Variants in AMOTL1 observed in about 807,000 individuals in gnomAD.
The protein encoded by AMOTL1 is angiomotin-like protein 1.
In AMOTL1, 45 loss-of-function variants were observed where a neutral mutation model predicts 102.9. The observed-to-expected ratio is 0.44, with a 90% confidence interval of 0.34 to 0.56. The LOEUF (loss-of-function observed/expected upper bound fraction) is 0.56. Among genes scored for constraint, AMOTL1 ranks in the 20% least tolerant of loss-of-function variants. The pLI is 0.01. For synonymous variants in AMOTL1, 481 were observed against 484.7 expected (o/e 0.99, Z 0.10); for missense variants, 1,114 against 1,225.6 (o/e 0.91, Z 1.36).
intron 2 of AMOTL1, among the ~76,000 whole-genome samples, chr11:94,735,531 T>C (rs1435352589): frequency 6.6e-6 from 1 of 152,234 alleles, no homozygotes; most frequent in Non-Finnish European, 1.5e-5. Flanking sequence ...AAGACTTTTC[T>C]TCTATGACTT....
chr11:94,799,535 C>T lies in AMOTL1; in HGVS notation c.345C>T (p.Asn115=). 6.2e-7 allele frequency: 1 copy of T among 1,613,810 alleles called. No homozygotes were observed. The highest frequency in any genetic ancestry group is 8.5e-7 in the Non-Finnish European group (1 of 1,179,832). ...EQLRYGTPTE[N]MNLLAIQHQA... ...TGCGGTATGGCACCCCAACCGAGAA[C>T]ATGAACTTGCTGGCCATTCAGCACC... Residue 115 remains asparagine (N), a synonymous_variant, in exon 3 of 13, where the codon AAC becomes AAT. Coordinates refer to ENST00000433060, the MANE Select transcript of AMOTL1 (RefSeq NM_130847.3). The surrounding 1 kb of genome is among the most constrained non-coding windows in gnomAD (Gnocchi z 4.5).
At chr11:94,774,751 A>G (rs1951000240) in intron 1 of AMOTL1, among the ~76,000 whole-genome samples, 1 of 152,242 alleles carries the variant, frequency 6.6e-6, no homozygotes. Flanking sequence ...CTGGAAACAC[A>G]TGTTAAGAAT....
chr11:94,732,279 C>T (rs1950366142), intron 2 of AMOTL1, among the ~76,000 whole-genome samples: 2 of 151,764 alleles, frequency 1.3e-5, no homozygotes, highest in African/African-American at 2.4e-5. Flanking sequence ...CCTGTTGAGT[C>T]ATAGGCCTTG....
Position 94,873,901 on chromosome 11 carries a change from T to C in AMOTL1, c.*3106T>C, listed in dbSNP as rs1592058188. 1 of 152,250 alleles carries C rather than the reference T, an allele frequency of 6.6e-6. No individual in the cohort carries two copies. The highest frequency in any genetic ancestry group is 2.4e-5 in the African/African-American group (1 of 41,458). 9.4% of individuals were successfully genotyped at this position (152,250 alleles called of 1,614,324 possible). ...AAATGCTAGGCATAGATGGAAATTATTGTGTTCCACCAGAAGCACAGCTCC... is the reference window on the plus strand; with the variant it reads ...AAATGCTAGGCATAGATGGAAATTACTGTGTTCCACCAGAAGCACAGCTCC... On this transcript the variant is annotated 3_prime_UTR_variant, in exon 13 of 13. Transcript: ENST00000433060.
chr11:94,835,021 A>G (rs1952148235), intron 6 of AMOTL1, among the ~76,000 whole-genome samples: 1 of 152,180 alleles, frequency 6.6e-6, no homozygotes, highest in African/African-American at 2.4e-5. Flanking sequence ...AAGTCATGAG[A>G]TTTGTCTATA....
At chr11:94,783,433 T>C (rs974369844) in intron 1 of AMOTL1, among the ~76,000 whole-genome samples, 1 of 152,214 alleles carries the variant, frequency 6.6e-6, no homozygotes. Context: ...TGATGATAAA[T>C]TAGGGGTTAC....
At chr11:94,725,114 G>C (rs1428752063) in intron 1 of AMOTL1, among the ~76,000 whole-genome samples, 4 of 152,180 alleles carry the variant, frequency 2.6e-5, no homozygotes, top group African/African-American at 4.8e-5. Flanking sequence ...TAGGTGGCAG[G>C]AGTATCCTGT....
Position 94,799,357 on chromosome 11 carries a change from C to T in AMOTL1, c.200-33C>T, listed in dbSNP as rs1951424396. ...CAGACATATATCTCCTGTGGAGCTG[C>T]CTGATATCTTTTTTCCTATGTTTAT... is the stretch of plus-strand genomic sequence containing the variant. On this transcript the variant is annotated intron_variant, in intron 2 of 12. Coordinates refer to ENST00000433060, the MANE Select transcript of AMOTL1 (RefSeq NM_130847.3). This position sits in a 1 kb window ranked among gnomAD's most constrained non-coding sequence, Gnocchi z 4.5. 1.3e-6 allele frequency: 2 copies of T among 1,500,358 alleles called. No homozygotes were observed. Among genetic ancestry groups the T allele is most frequent in the Admixed American group, 4.2e-5 (2 of 48,102 alleles). The allele number at this position is 1,500,358 out of a possible 1,614,324, so 92.9% of individuals were successfully genotyped here.
chr11:94,868,771 G>A (rs890826289), intron 11 of AMOTL1, among the ~76,000 whole-genome samples: 2 of 152,020 alleles, frequency 1.3e-5, no homozygotes, highest in Non-Finnish European at 2.9e-5. Context: ...TCTGGGCCAC[G>A]TTGGTAACAG....
At chr11:94,731,405 G>A (rs1393861297) in intron 2 of AMOTL1, among the ~76,000 whole-genome samples, 1 of 152,094 alleles carries the variant, frequency 6.6e-6, no homozygotes, top group Non-Finnish European at 1.5e-5. Context: ...ATACTAAGGT[G>A]GTTCTCAGAG....
chr11:94,721,019 G>GA (rs1950167320), intron 1 of AMOTL1, among the ~76,000 whole-genome samples: 1 of 152,112 alleles, frequency 6.6e-6, no homozygotes, highest in South Asian at 2.1e-4. Context: ...ATGCTAAGGG[G>GA]AAACCTGTTG....
At chr11:94,812,175 G>A (rs1951694038) in intron 3 of AMOTL1, among the ~76,000 whole-genome samples, 1 of 152,154 alleles carries the variant, frequency 6.6e-6, no homozygotes, top group Non-Finnish European at 1.5e-5. Context: ...AAGTACAGGG[G>A]AACCACCACT....
chr11:94,807,754 C>T (rs189245670), intron 3 of AMOTL1, among the ~76,000 whole-genome samples: 2 of 151,784 alleles, frequency 1.3e-5, no homozygotes, highest in Admixed American at 1.3e-4. Context: ...GTCACTGTTA[C>T]TGATTAGAAG....
chr11:94,821,668 C>A lies in AMOTL1; in HGVS notation c.1260C>A (p.Pro420=), dbSNP rs1410985854. The change falls in exon 4 of 13, where the codon CCC becomes CCA. Residue 420 remains proline (P), a synonymous_variant. Coordinates refer to ENST00000433060, the MANE Select transcript of AMOTL1 (RefSeq NM_130847.3). The stretch of plus-strand genomic sequence containing the variant: ...CGATGGCCCTGGGTGCTCCACAGCC[C>A]CCGCCTGCCGCCTCCCCCAGCCAGC... ...PLPMALGAPQ[P]PPAASPSQQL... is the part of the protein sequence containing the mutation. 3.7e-6 allele frequency: 6 copies of A among 1,613,860 alleles called. No individual in the cohort carries two copies. In the African/African-American group the frequency reaches 8.0e-5, roughly 22 times the overall value.
At chr11:94,810,800 AAAAG>A (rs560352939) in intron 3 of AMOTL1, among the ~76,000 whole-genome samples, 203 of 150,874 alleles carry the variant, frequency 1.3e-3, no homozygotes, top group African/African-American at 4.7e-3. Flanking sequence ...TCTCAAAAAA[AAAAG>A]AAAGATCCTA....
intron 7 of AMOTL1, 137 bp downstream of exon 7, chr11:94,850,396 T>C (rs1179598676): frequency 1.7e-6 from 2 of 1,208,420 alleles, no homozygotes; most frequent in African/African-American, 3.1e-5. Flanking sequence ...TATGGGAAAC[T>C]TCTCAAATAA....
At chr11:94,816,041 T>C (rs1328736913) in intron 3 of AMOTL1, among the ~76,000 whole-genome samples, 1 of 152,180 alleles carries the variant, frequency 6.6e-6, no homozygotes, top group Non-Finnish European at 1.5e-5. Flanking sequence ...AAAAAACACT[T>C]ATGCACTAAA....
intron 4 of AMOTL1, 79 bp from the exon 5 acceptor site, chr11:94,829,971 C>A (rs930443001): frequency 1.4e-5 from 20 of 1,388,942 alleles, no homozygotes; most frequent in Non-Finnish European, 1.7e-5. Flanking sequence ...TTCACACTGG[C>A]AATGTCTAAG....
intron 1 of AMOTL1, among the ~76,000 whole-genome samples, chr11:94,715,649 C>A (rs1489772534): frequency 6.6e-6 from 1 of 152,056 alleles, no homozygotes; most frequent in Middle Eastern, 3.2e-3. Context: ...TTTGGATTTT[C>A]TTCTTTCAGG....
Sources: gnomAD v4.1 joint callset for allele counts (sites outside exome capture counted in the v4.1 genomes callset) on GRCh38, gnomAD v4.1.1 for gene constraint, Gnocchi (gnomAD v3.1) non-coding constraint, MANE v1.5 for transcripts, NCBI Gene and HGNC (gene_info 2026-07-23, HGNC 2026-07-21) for gene names.